Variants in STK38L observed in about 807,000 individuals in gnomAD.
STK38L encodes serine/threonine-protein kinase 38-like.
A neutral mutation model predicts 59.7 loss-of-function variants in STK38L; 28 were observed. That is an observed-to-expected ratio of 0.47 (90% CI 0.35 to 0.64). The LOEUF is 0.64. Ranked by LOEUF, STK38L falls within the 30% of genes least tolerant of loss-of-function variation. The pLI, the probability that STK38L is intolerant of heterozygous loss-of-function variation, is 0.01. For synonymous variants in STK38L, 162 were observed against 176.8 expected, an observed-to-expected ratio of 0.92 and a Z score of 0.66; for missense variants, 314 against 555.8, an observed-to-expected ratio of 0.56 and a Z score of 4.37.
chr12:27,297,067 A>C (rs1010423662), intron 1 of STK38L: 1 of 152,240 alleles, frequency 6.6e-6, no homozygotes, highest in African/African-American at 2.4e-5. Context: ...TGGGCTGCAC[A>C]GTCTGGAGAA....
At chr12:27,287,939 G>T (rs922402023) in intron 1 of STK38L, among the ~76,000 whole-genome samples, 2 of 152,202 alleles carry the variant, frequency 1.3e-5, no homozygotes, top group African/African-American at 4.8e-5. Flanking sequence ...CAGGAGCGCA[G>T]TGGTGCGATC....
At position 27,260,557 on chromosome 12, in the gene STK38L, T is replaced by C. The variant is rs921769812; in HGVS notation, c.-12+16225T>C. The stretch of plus-strand genomic sequence containing the variant: ...TCTTACCACTCCCCCTCACTCTCTC[T>C]GTGCCGTACTGAACTCCTTGCTGTT... On this transcript the variant is annotated intron_variant, in intron 1 of 13. Coordinates refer to ENST00000389032, the MANE Select transcript of STK38L (RefSeq NM_015000.4). Among the ~76,000 whole-genome samples the C allele has an allele frequency of 3.3e-5, 5 of 152,336 alleles. No individual in the cohort carries two copies. In the South Asian group the frequency reaches 1.0e-3, roughly 32 times the overall value.
intron 3 of STK38L, 108 bp downstream of exon 3, chr12:27,302,296 T>C: frequency 1.2e-6 from 1 of 807,904 alleles, no homozygotes; most frequent in East Asian, 2.9e-5. Context: ...ATCATTTGAA[T>C]ATGGGCTTCT....
rs2136645798 is a variant in STK38L, at chr12:27,309,149, C to T, written c.345C>T (p.Ile115=). ...RLVQKKDTGH[I]YAMKILRKSD... ...TCCAGAAGAAAGATACAGGCCATATCTATGCAATGAAGATATTGAGAAAGT... is the reference window on the plus strand; with the variant it reads ...TCCAGAAGAAAGATACAGGCCATATTTATGCAATGAAGATATTGAGAAAGT... Residue 115 remains isoleucine (I), a synonymous_variant, in exon 5 of 14, where the codon ATC becomes ATT. Transcript: ENST00000389032. 6 of 1,603,672 alleles carry T rather than the reference C, an allele frequency of 3.7e-6. No homozygotes were observed. The highest frequency in any genetic ancestry group is 5.1e-6 in the Non-Finnish European group (6 of 1,175,316).
chr12:27,317,163 CAT>C (rs1944606854), intron 9 of STK38L, among the ~76,000 whole-genome samples, 171 bp from the exon 10 acceptor site: 1 of 152,182 alleles, frequency 6.6e-6, no homozygotes, highest in Non-Finnish European at 1.5e-5. Flanking sequence ...TAGTCTATAA[CAT>C]ATTATCTGAC....
chr12:27,260,251 G>A (rs935292162), intron 1 of STK38L, among the ~76,000 whole-genome samples: 14 of 152,042 alleles, frequency 9.2e-5, no homozygotes, highest in African/African-American at 3.4e-4. Flanking sequence ...GTATAGATAT[G>A]GAACATTTCC....
intron 9 of STK38L, among the ~76,000 whole-genome samples, chr12:27,316,648 G>C (rs1122738): frequency 0.16 from 24,031 of 152,154 alleles, 2,107 homozygotes; most frequent in East Asian, 0.31. Context: ...CCCTGGTTGA[G>C]AATTACTGCC....
chr12:27,267,989 G>A lies in STK38L; in HGVS notation c.-12+23657G>A, dbSNP rs534046039. ...AGATGCATGTATATTGTTCAGAATA[G>A]TACCTGAGACATAGAAACAACTTTG... On this transcript the variant is annotated intron_variant, in intron 1 of 13. Transcript: ENST00000389032. Among the ~76,000 whole-genome samples the A allele has an allele frequency of 1.3e-4, 20 of 152,270 alleles. No homozygotes were observed. In the South Asian group the frequency reaches 2.3e-3, roughly 17 times the overall value.
rs1944781921 is a variant in STK38L, at chr12:27,323,713, G to A, written c.*1258G>A. 6.6e-6 allele frequency: 1 copy of A among 152,566 alleles called. No homozygotes were observed. Among genetic ancestry groups the A allele is most frequent in the Admixed American group, 6.5e-5 (1 of 15,284 alleles). 9.5% of individuals were successfully genotyped at this position (152,566 alleles called of 1,614,324 possible). On this transcript the variant is annotated 3_prime_UTR_variant, in exon 14 of 14. Coordinates refer to ENST00000389032, the MANE Select transcript of STK38L (RefSeq NM_015000.4). ...GGTGAATATAGATGGAATTAAGGAA[G>A]TAAATGCAGGCCAGGGGGTTGTGAT...
chr12:27,275,442 C>A (rs974482828), intron 1 of STK38L, among the ~76,000 whole-genome samples: 2 of 148,168 alleles, frequency 1.3e-5, no homozygotes, highest in African/African-American at 5.0e-5. Context: ...TTCCCCAGTT[C>A]AAGTGATTCT....
intron 1 of STK38L, among the ~76,000 whole-genome samples, chr12:27,269,437 G>A (rs950649910): frequency 7.9e-5 from 12 of 152,038 alleles, no homozygotes; most frequent in African/African-American, 2.2e-4. Context: ...TTGTAGATAC[G>A]CGACATTATT....
At chr12:27,312,702 C>CT in intron 6 of STK38L, 30 bp downstream of exon 6, 1 of 1,606,116 alleles carries the variant, frequency 6.2e-7, no homozygotes. Context: ...CAATGACAGA[C>CT]TGATACAAGC....
At chr12:27,247,132 A>G (rs552435899) in intron 1 of STK38L, among the ~76,000 whole-genome samples, 1 of 152,354 alleles carries the variant, frequency 6.6e-6, no homozygotes, top group African/African-American at 2.4e-5. Context: ...TACTTTATAT[A>G]ATGCTGCTTC....
intron 1 of STK38L, among the ~76,000 whole-genome samples, chr12:27,282,261 G>A (rs1226992282): frequency 2.0e-5 from 3 of 152,080 alleles, no homozygotes; most frequent in Admixed American, 6.5e-5. Context: ...AATAAATATA[G>A]TTCCTGCATG....
chr12:27,250,960 C>T (rs1942960946), intron 1 of STK38L, among the ~76,000 whole-genome samples: 2 of 145,546 alleles, frequency 1.4e-5, no homozygotes, highest in Admixed American at 1.4e-4. Context: ...GACCACTTCA[C>T]TGTAGCCCAG....
At chr12:27,313,950 G>A (rs185023118) in intron 6 of STK38L, among the ~76,000 whole-genome samples, 2 of 152,170 alleles carry the variant, frequency 1.3e-5, no homozygotes, top group Admixed American at 1.3e-4. Context: ...GAAGTTGAGT[G>A]GTAGATATTA....
At position 27,302,090 on chromosome 12, in the gene STK38L, ATAGT is replaced by A. The variant is rs1228742077; in HGVS notation, c.135-43_135-40del. The A allele has an allele frequency of 6.9e-6, 10 of 1,457,298 alleles. No individual in the cohort carries two copies. In the East Asian group the frequency reaches 2.1e-4, roughly 30 times the overall value. 90.3% of individuals were successfully genotyped at this position (1,457,298 alleles called of 1,614,324 possible). On this transcript the variant is annotated intron_variant, in intron 2 of 13. Transcript: ENST00000389032. Reference sequence around the variant, plus strand: ...ATAAATGTATATTTCTTAAGTGGAAATAGTTAGGAATGTATTTAAAATTTAATTT... The same window carrying A: ...ATAAATGTATATTTCTTAAGTGGAAATAGGAATGTATTTAAAATTTAATTT...
At chr12:27,275,637 A>C (rs10771329) in intron 1 of STK38L, among the ~76,000 whole-genome samples, 119,166 of 152,110 alleles carry the variant, frequency 0.78, 46,883 homozygotes, top group Non-Finnish European at 0.83. Flanking sequence ...CCACGCCCGG[A>C]CTGATTAGAG....
At chr12:27,275,981 C>T (rs1289306439) in intron 1 of STK38L, among the ~76,000 whole-genome samples, 2 of 152,212 alleles carry the variant, frequency 1.3e-5, no homozygotes, top group Non-Finnish European at 2.9e-5. Context: ...CTAACCTGGC[C>T]TGGCTCCCTG....
Sources: gnomAD v4.1 joint callset for allele counts (sites outside exome capture counted in the v4.1 genomes callset) on GRCh38, gnomAD v4.1.1 for gene constraint, MANE v1.5 for transcripts, NCBI Gene and HGNC (gene_info 2026-07-23, HGNC 2026-07-21) for gene names.